TBC1D1: variants seen among roughly 807,000 people sequenced by gnomAD.
TBC1D1 encodes the protein TBC1 domain family member 1.
TBC1D1 carries 89 observed loss-of-function variants against 125.6 expected under a neutral mutation model. The ratio of observed to expected loss-of-function variants is 0.71; its 90% confidence interval spans 0.60 to 0.85. The LOEUF (loss-of-function observed/expected upper bound fraction) is 0.85, where lower values mean the gene tolerates loss of function less well. Among genes scored for constraint, TBC1D1 ranks in the 40% least tolerant of loss-of-function variants. TBC1D1 has a pLI of 0.00. For missense variants in TBC1D1, 1,377 were observed against 1,469.2 expected (o/e 0.94, Z 1.03); for synonymous variants, 565 against 564.1 (o/e 1.00, Z -0.02).
Position 38,071,241 on chromosome 4 carries a change from G to T in TBC1D1, c.2050+16903G>T, listed in dbSNP as rs150826069. Among the ~76,000 whole-genome samples, 820 of 152,240 alleles carry T rather than the reference G, an allele frequency of 5.4e-3. 6 individuals are homozygous for T. Among genetic ancestry groups the T allele is most frequent in the African/African-American group, 0.019 (775 of 41,538 alleles). The stretch of plus-strand genomic sequence containing the variant: ...TGCCATCCATGGTCACTTCCTGCCT[G>T]CTCCCCACCCACCCCTGGGAAAGAG... On this transcript the variant is annotated intron_variant, in intron 12 of 19. Transcript: ENST00000261439.
intron 1 of TBC1D1, among the ~76,000 whole-genome samples, chr4:37,897,911 C>A (rs777566020): frequency 2.6e-5 from 4 of 152,202 alleles, no homozygotes; most frequent in Admixed American, 2.6e-4. Context: ...ACTTCAAGTC[C>A]GTTTTCATTA....
intron 15 of TBC1D1, chr4:38,112,093 C>A (rs1459630701): frequency 1.0e-6 from 1 of 985,098 alleles, no homozygotes; most frequent in Admixed American, 6.1e-5. Context: ...GAAGCCTTGA[C>A]CAGTTTGGGT....
intron 15 of TBC1D1, among the ~76,000 whole-genome samples, chr4:38,111,582 T>C (rs1340981638): frequency 6.6e-6 from 1 of 152,254 alleles, no homozygotes; most frequent in Admixed American, 6.5e-5. Context: ...TCTGATTTAA[T>C]AGAATCCGCT....
At chr4:38,076,806 A>C (rs1380685464) in intron 12 of TBC1D1, among the ~76,000 whole-genome samples, 2 of 152,180 alleles carry the variant, frequency 1.3e-5, no homozygotes, top group African/African-American at 2.4e-5. Context: ...AGGAAAAAAA[A>C]CCCCAGCCAG....
intron 2 of TBC1D1, among the ~76,000 whole-genome samples, chr4:37,925,788 T>A (rs1338830077): frequency 6.6e-6 from 1 of 151,366 alleles, no homozygotes; most frequent in African/African-American, 2.4e-5. Flanking sequence ...CACCCTATAA[T>A]CATGCCACTT....
At chr4:37,957,746 ATG>A (rs1489227938) in intron 2 of TBC1D1, among the ~76,000 whole-genome samples, 2 of 152,180 alleles carry the variant, frequency 1.3e-5, no homozygotes, top group African/African-American at 4.8e-5. Context: ...AGATTGTTTG[ATG>A]TTTTTCTTAT....
At chr4:38,044,557 A>C in intron 9 of TBC1D1, 67 bp downstream of exon 9, 1 of 1,483,318 alleles carries the variant, frequency 6.7e-7, no homozygotes, top group South Asian at 1.4e-5. Flanking sequence ...ATTGAGTTCT[A>C]TGCTTTTATT....
intron 2 of TBC1D1, among the ~76,000 whole-genome samples, chr4:38,001,573 A>G (rs898196182): frequency 2.6e-5 from 4 of 152,196 alleles, no homozygotes; most frequent in Non-Finnish European, 5.9e-5. Flanking sequence ...TCCTAAAGCT[A>G]TCTAGGACCC....
chr4:37,991,621 G>C lies in TBC1D1; in HGVS notation c.418-22888G>C, dbSNP rs1439966215. On this transcript the variant is annotated intron_variant, in intron 2 of 19. Transcript: ENST00000261439. ...GTCCCTGGAAATGTGGGCACTGGCAGCTCTTCTCTCTCTTTTTTTTTTTTA... is the reference window on the plus strand; with the variant it reads ...GTCCCTGGAAATGTGGGCACTGGCACCTCTTCTCTCTCTTTTTTTTTTTTA... 4.3e-5 allele frequency among the ~76,000 whole-genome samples: 6 copies of C among 140,536 alleles called. No homozygotes were observed. In the Admixed American group the frequency reaches 4.5e-4, roughly 10 times the overall value. The allele number at this position is 140,536 out of a possible 152,430, so 92.2% of individuals were successfully genotyped here.
chr4:38,117,949 T>TA (rs1763240499), intron 16 of TBC1D1, 84 bp from the exon 19 acceptor site: 1 of 1,279,772 alleles, frequency 7.8e-7, no homozygotes, highest in South Asian at 1.3e-5. Context: ...AGTCTTCTCT[T>TA]ACACCCACCC....
At chr4:37,896,882 A>G (rs1379576730) in intron 1 of TBC1D1, among the ~76,000 whole-genome samples, 1 of 152,058 alleles carries the variant, frequency 6.6e-6, no homozygotes, top group Non-Finnish European at 1.5e-5. Context: ...AGGACACATT[A>G]ACAAGATTAT....
chr4:37,957,584 C>A lies in TBC1D1; in HGVS notation c.417+55072C>A, dbSNP rs1036137772. ...CAGTGAGCTATGATCACAGCCTCAG[C>A]AACAGAGCAAGGTCCTATCTCTTAA... On this transcript the variant is annotated intron_variant, in intron 2 of 19. Coordinates refer to ENST00000261439, the MANE Select transcript of TBC1D1 (RefSeq NM_015173.4). Among the ~76,000 whole-genome samples the A allele has an allele frequency of 2.6e-5, 4 of 152,168 alleles. No homozygotes were observed. In the East Asian group the frequency reaches 7.7e-4, roughly 29 times the overall value.
chr4:37,955,482 C>T (rs887206307), intron 2 of TBC1D1, among the ~76,000 whole-genome samples: 3 of 152,202 alleles, frequency 2.0e-5, no homozygotes, highest in Non-Finnish European at 4.4e-5. Flanking sequence ...CTCTAGATTA[C>T]TTATACTACT....
chr4:38,082,578 C>T (rs181758102), intron 12 of TBC1D1, among the ~76,000 whole-genome samples: 29 of 152,298 alleles, frequency 1.9e-4, no homozygotes, highest in Admixed American at 1.2e-3. Flanking sequence ...CAAAAACAAA[C>T]GCCACTTCTT....
At chr4:37,971,680 T>C (rs1015368126) in intron 2 of TBC1D1, among the ~76,000 whole-genome samples, 2 of 152,098 alleles carry the variant, frequency 1.3e-5, no homozygotes, top group Non-Finnish European at 2.9e-5. Flanking sequence ...AGAGCAACTA[T>C]ATATATATAT....
At chr4:37,983,331 T>C (rs1734769373) in intron 2 of TBC1D1, among the ~76,000 whole-genome samples, 1 of 152,018 alleles carries the variant, frequency 6.6e-6, no homozygotes, top group African/African-American at 2.4e-5. Context: ...GCCAGGATGG[T>C]CTCGATCTCC....
At chr4:38,089,504 C>T (rs1758076045) in intron 12 of TBC1D1, among the ~76,000 whole-genome samples, 1 of 152,146 alleles carries the variant, frequency 6.6e-6, no homozygotes, top group Non-Finnish European at 1.5e-5. Flanking sequence ...CCTCAGTTTG[C>T]ATTTCTTTAA....
At chr4:38,004,428 A>C (rs1312130384) in intron 2 of TBC1D1, among the ~76,000 whole-genome samples, 1 of 152,118 alleles carries the variant, frequency 6.6e-6, no homozygotes, top group Non-Finnish European at 1.5e-5. Context: ...GTTGGGATTT[A>C]TACTCGTCAC....
chr4:38,129,083 C>A (rs912474667), intron 18 of TBC1D1, among the ~76,000 whole-genome samples: 10 of 152,172 alleles, frequency 6.6e-5, no homozygotes, highest in African/African-American at 2.4e-4. Flanking sequence ...GGGCCACACC[C>A]GAGACCTGCT....
Sources: allele counts gnomAD v4.1 joint callset (sites outside exome capture counted in the v4.1 genomes callset), GRCh38; gene constraint gnomAD v4.1.1; transcripts MANE v1.5; gene names NCBI Gene and HGNC (gene_info 2026-07-23, HGNC 2026-07-21).